The following CYP2C19 variants were observed in gnomAD, a reference collection of about 807,000 sequenced individuals.
The protein encoded by CYP2C19 is cytochrome P450 family 2 subfamily C member 19, also known as cytochrome P450 2C19.
A neutral mutation model predicts 40.9 loss-of-function variants in CYP2C19; 59 were observed. The ratio of observed to expected loss-of-function variants is 1.44; its 90% CI spans 1.17 to 1.79. The LOEUF (loss-of-function observed/expected upper bound fraction) is 1.79, where lower values mean the gene tolerates loss of function less well. CYP2C19 is among the 40% of genes most tolerant of loss of function. The pLI, the probability that CYP2C19 is intolerant of heterozygous loss-of-function variation, is 0.00. For missense variants in CYP2C19, 754 were observed against 596.9 expected, an observed-to-expected ratio of 1.26 and a Z score of -2.74; for synonymous variants, 253 against 208.7, an observed-to-expected ratio of 1.21 and a Z score of -1.83.
chr10:94,774,417 GT>G (rs1185443559), intron 1 of CYP2C19: 1 of 152,920 alleles, frequency 6.5e-6, no homozygotes, highest in Admixed American at 6.5e-5. Context: ...TATAAACTCT[GT>G]TAAGGGGTTA....
chr10:94,800,428 T>A (rs1848747354), intron 5 of CYP2C19, among the ~76,000 whole-genome samples: 1 of 152,146 alleles, frequency 6.6e-6, no homozygotes, highest in East Asian at 1.9e-4. Flanking sequence ...GTGTATGAGG[T>A]GTCTGTTGGC....
At chr10:94,843,846 C>G (rs1293344084) in intron 7 of CYP2C19, among the ~76,000 whole-genome samples, 1 of 152,142 alleles carries the variant, frequency 6.6e-6, no homozygotes, top group Non-Finnish European at 1.5e-5. Flanking sequence ...CATTTCTAAT[C>G]TGCAGGAAGC....
chr10:94,800,251 C>A (rs1216156949), intron 5 of CYP2C19, among the ~76,000 whole-genome samples: 2 of 152,204 alleles, frequency 1.3e-5, no homozygotes, highest in Non-Finnish European at 2.9e-5. Flanking sequence ...TTTCTTCTAA[C>A]CATCATGTCC....
chr10:94,848,290 A>C (rs1390717684), intron 7 of CYP2C19, among the ~76,000 whole-genome samples: 13 of 152,188 alleles, frequency 8.5e-5, no homozygotes, highest in Admixed American at 4.6e-4. Flanking sequence ...TCAGATTTCT[A>C]CATACGGCTA....
chr10:94,799,453 C>A (rs1193711201), intron 5 of CYP2C19, among the ~76,000 whole-genome samples: 1 of 152,128 alleles, frequency 6.6e-6, no homozygotes, highest in Non-Finnish European at 1.5e-5. Flanking sequence ...TTCATTTCAA[C>A]TTTGGTGAAT....
intron 5 of CYP2C19, among the ~76,000 whole-genome samples, chr10:94,802,001 CTTAGAGGGT>C (rs2134253727): frequency 6.6e-6 from 1 of 152,222 alleles, no homozygotes; most frequent in South Asian, 2.1e-4. Flanking sequence ...GGAAGGAGAC[CTTAGAGGGT>C]TGCTTCTGCT....
At chr10:94,834,528 C>G (rs1378757893) in intron 6 of CYP2C19, among the ~76,000 whole-genome samples, 1 of 149,748 alleles carries the variant, frequency 6.7e-6, no homozygotes, top group Non-Finnish European at 1.5e-5. Flanking sequence ...TTCTTTTGTT[C>G]TACTAATTTT....
At chr10:94,781,061 C>T (rs972334777) in intron 4 of CYP2C19, among the ~76,000 whole-genome samples, 1 of 152,154 alleles carries the variant, frequency 6.6e-6, no homozygotes, top group Non-Finnish European at 1.5e-5. Context: ...ATATCCTAAT[C>T]TAAAAGACAT....
chr10:94,843,979 G>C (rs1417111203), intron 7 of CYP2C19, among the ~76,000 whole-genome samples: 1 of 152,166 alleles, frequency 6.6e-6, no homozygotes, highest in African/African-American at 2.4e-5. Flanking sequence ...ATAGAAATAA[G>C]TATGCACATA....
At chr10:94,781,176 AC>A (rs1848474657) in intron 4 of CYP2C19, among the ~76,000 whole-genome samples, 1 of 152,188 alleles carries the variant, frequency 6.6e-6, no homozygotes, top group South Asian at 2.1e-4. Flanking sequence ...AGCTGATGAG[AC>A]AGCTGGTTAG....
chr10:94,848,612 A>G (rs1849607318), intron 7 of CYP2C19, among the ~76,000 whole-genome samples: 1 of 152,210 alleles, frequency 6.6e-6, no homozygotes, highest in South Asian at 2.1e-4. Context: ...AATTCTGTGA[A>G]GAAAGTCATT....
intron 5 of CYP2C19, among the ~76,000 whole-genome samples, chr10:94,813,606 C>T (rs1351622636): frequency 6.6e-6 from 1 of 151,930 alleles, no homozygotes; most frequent in Non-Finnish European, 1.5e-5. Context: ...CTACTCAAGC[C>T]TCAACAATGG....
chr10:94,828,624 A>T (rs12573281), intron 6 of CYP2C19, among the ~76,000 whole-genome samples: 1 of 146,544 alleles, frequency 6.8e-6, no homozygotes, highest in African/African-American at 2.6e-5. Context: ...TCCAATTTGC[A>T]AGTCTGTGTC....
chr10:94,793,633 C>G (rs933563696), intron 5 of CYP2C19, among the ~76,000 whole-genome samples: 2 of 152,062 alleles, frequency 1.3e-5, no homozygotes, highest in Non-Finnish European at 2.9e-5. Flanking sequence ...CACTCCAGAC[C>G]CTGTTTGCCT....
At chr10:94,820,052 G>A (rs1197936694) in intron 5 of CYP2C19, among the ~76,000 whole-genome samples, 1 of 149,490 alleles carries the variant, frequency 6.7e-6, no homozygotes, top group Non-Finnish European at 1.5e-5. Flanking sequence ...ATGATCAAGT[G>A]GGCTTCATCC....
chr10:94,802,072 T>G (rs1176050914), intron 5 of CYP2C19, among the ~76,000 whole-genome samples: 1 of 152,082 alleles, frequency 6.6e-6, no homozygotes, highest in Non-Finnish European at 1.5e-5. Flanking sequence ...CATGTCCTGC[T>G]GATTGGTCCA....
chr10:94,823,673 A>C (rs1190737076), intron 6 of CYP2C19, among the ~76,000 whole-genome samples: 1 of 152,224 alleles, frequency 6.6e-6, no homozygotes, highest in African/African-American at 2.4e-5. Flanking sequence ...TATTGAAAGA[A>C]TTAGGATTCA....
At chr10:94,785,847 CAT>C (rs1848532845) in intron 5 of CYP2C19, among the ~76,000 whole-genome samples, 2 of 152,062 alleles carry the variant, frequency 1.3e-5, no homozygotes, top group Non-Finnish European at 2.9e-5. Context: ...TTGCCAGCCA[CAT>C]GTACAGTAAG....
At chr10:94,837,919 C>T (rs1324123041) in intron 6 of CYP2C19, among the ~76,000 whole-genome samples, 1 of 152,168 alleles carries the variant, frequency 6.6e-6, no homozygotes, top group Non-Finnish European at 1.5e-5. Flanking sequence ...GAGGGGGCAG[C>T]TTACTTCTAC....
Sources: gnomAD v4.1 joint callset for allele counts (sites outside exome capture counted in the v4.1 genomes callset) on GRCh38, gnomAD v4.1.1 for gene constraint, MANE v1.5 for transcripts, NCBI Gene and HGNC (gene_info 2026-07-23, HGNC 2026-07-21) for gene names.